The following OSBPL3 variants were observed in gnomAD, a reference collection of about 807,000 sequenced individuals.
OSBPL3 encodes oxysterol-binding protein-related protein 3.
OSBPL3 carries 65 observed loss-of-function variants against 120.1 expected under a neutral mutation model. That is an observed-to-expected ratio of 0.54 (90% confidence interval 0.44 to 0.67). The LOEUF (loss-of-function observed/expected upper bound fraction) is 0.67. Ranked by LOEUF, OSBPL3 falls within the 30% of genes least tolerant of loss-of-function variation. OSBPL3 has a pLI of 0.00. For missense variants in OSBPL3, 1,004 were observed against 1,082.1 expected, an observed-to-expected ratio of 0.93 and a Z score of 1.01; for synonymous variants, 416 against 402.6, an observed-to-expected ratio of 1.03 and a Z score of -0.40.
chr7:24,855,169 T>C lies in OSBPL3; in HGVS notation c.1028-2535A>G, dbSNP rs1411147710. Among the ~76,000 whole-genome samples, 3 of 152,124 alleles carry C rather than the reference T, an allele frequency of 2.0e-5. No individual in the cohort carries two copies. The highest frequency in any genetic ancestry group is 4.2e-4 in the South Asian group (2 of 4,814). On this transcript the variant is annotated intron_variant, in intron 10 of 22. Coordinates refer to ENST00000313367, the MANE Select transcript of OSBPL3 (RefSeq NM_015550.4). The surrounding 1 kb of genome is among the most constrained non-coding windows in gnomAD (Gnocchi z 4.3). Reference sequence around the variant, plus strand: ...GGACTGCATCCTATGTCCTATTAGATAGGCACTATGCCCCTCCCCTGCCTG... The same window carrying C: ...GGACTGCATCCTATGTCCTATTAGACAGGCACTATGCCCCTCCCCTGCCTG...
chr7:24,922,693 G>A lies in OSBPL3; in HGVS notation c.-149-30072C>T, dbSNP rs564104823. 1.3e-5 allele frequency among the ~76,000 whole-genome samples: 2 copies of A among 152,040 alleles called. No homozygotes were observed. The highest frequency in any genetic ancestry group is 1.3e-4 in the Admixed American group (2 of 15,254). On this transcript the variant is annotated intron_variant, in intron 1 of 22. Coordinates refer to ENST00000313367, the MANE Select transcript of OSBPL3 (RefSeq NM_015550.4). The surrounding 1 kb of genome is among the most constrained non-coding windows in gnomAD (Gnocchi z 4.3). ...TGGTCCTCAGTCTGACCTCATTCTA[G>A]CCTGACCACCTGCTTCACAGCCTTG...
In OSBPL3 at chr7:24,899,907, G is replaced by A. The variant is rs1446222966; in HGVS notation, c.-149-7286C>T. On this transcript the variant is annotated intron_variant, in intron 1 of 22. Coordinates refer to ENST00000313367, the MANE Select transcript of OSBPL3 (RefSeq NM_015550.4). The surrounding 1 kb of genome is among the most constrained non-coding windows in gnomAD (Gnocchi z 4.0). The stretch of plus-strand genomic sequence containing the variant: ...CTGATAATCTGCATGTTTAACACAT[G>A]CCCTGGGTGATTTTTGCTTAAAGTT... Among the ~76,000 whole-genome samples the A allele has an allele frequency of 1.3e-5, 2 of 152,200 alleles. No individual in the cohort carries two copies. The highest frequency in any genetic ancestry group is 2.4e-5 in the African/African-American group (1 of 41,454).
At chr7:24,960,316 T>C (rs971555012) in intron 1 of OSBPL3, among the ~76,000 whole-genome samples, 10 of 152,126 alleles carry the variant, frequency 6.6e-5, no homozygotes, top group Admixed American at 6.5e-4. Context: ...GCTAGTGTGG[T>C]ATATAAATGA....
At position 24,936,983 on chromosome 7, in the gene OSBPL3, T is replaced by A. The variant is rs896470038; in HGVS notation, c.-150+42903A>T. 2.2e-4 allele frequency among the ~76,000 whole-genome samples: 34 copies of A among 152,164 alleles called. No individual in the cohort carries two copies. The highest frequency in any genetic ancestry group is 4.9e-4 in the Non-Finnish European group (33 of 68,034). On this transcript the variant is annotated intron_variant, in intron 1 of 22. Transcript: ENST00000313367. This position sits in a 1 kb window ranked among gnomAD's most constrained non-coding sequence, Gnocchi z 4.2. ...GTCATAGAAAAGGATACTGTATTAG[T>A]CCATTCTTGTGCTGCTAATAAAGAC...
intron 1 of OSBPL3, among the ~76,000 whole-genome samples, chr7:24,975,286 T>C (rs1411027207): frequency 6.6e-6 from 1 of 152,224 alleles, no homozygotes; most frequent in Admixed American, 6.5e-5. Context: ...GGTCCAAAGA[T>C]GAGAGCAACC....
At chr7:24,980,192 C>T (rs1049018595), upstream of OSBPL3, 1 of 339,296 alleles carries the variant, frequency 2.9e-6, no homozygotes, top group Non-Finnish European at 4.2e-6. Context: ...GCGCGCCGCC[C>T]GGCGATTAGC....
chr7:24,897,102 A>AAGGC (rs202118110), intron 1 of OSBPL3, among the ~76,000 whole-genome samples: 35 of 151,680 alleles, frequency 2.3e-4, no homozygotes, highest in Admixed American at 1.1e-3. Flanking sequence ...GGGAGGAAGG[A>AAGGC]AGGCAGGCAG....
rs2128138151 is a variant in OSBPL3 at position 24,819,525 on chromosome 7, A to G, written c.1948+650T>C. 6.6e-6 allele frequency among the ~76,000 whole-genome samples: 1 copy of G among 152,286 alleles called. No individual in the cohort carries two copies. Among genetic ancestry groups the G allele is most frequent in the South Asian group, 2.1e-4 (1 of 4,820 alleles). On this transcript the variant is annotated intron_variant, in intron 17 of 22. Transcript: ENST00000313367. This position sits in a 1 kb window ranked among gnomAD's most constrained non-coding sequence, Gnocchi z 4.1. The stretch of plus-strand genomic sequence containing the variant: ...ACAGTATACTGTTTCGTACTTTTAA[A>G]GTTTAATAGACTGCGTGTGTGTGTG...
intron 1 of OSBPL3, among the ~76,000 whole-genome samples, chr7:24,956,627 T>C (rs1311978698): frequency 1.3e-5 from 2 of 152,236 alleles, no homozygotes; most frequent in Non-Finnish European, 2.9e-5. Context: ...GTTAGTCTCA[T>C]TGTTAGACCT....
At chr7:24,909,783 CTTTTTTTTTTTTTTTTTTTTT>C (rs10591188) in intron 1 of OSBPL3, among the ~76,000 whole-genome samples, 1 of 77,294 alleles carries the variant, frequency 1.3e-5, no homozygotes, top group African/African-American at 5.4e-5. Flanking sequence ...TTTTTTCTTT[CTTTTTTTTTTTTTTTTTTTTT>C]TTTTGGAGAC....
chr7:24,830,814 T>A lies in OSBPL3; in HGVS notation c.1838A>T (p.Tyr613Phe), dbSNP rs756830962. The A allele has an allele frequency of 6.2e-7, 1 of 1,614,020 alleles. No homozygotes were observed. The highest frequency in any genetic ancestry group is 8.5e-7 in the Non-Finnish European group (1 of 1,180,012). ...GCCCTTGTCCTCCCGAATACATTCA[T>A]ATGTTTCTCCAAGAACCGGATTAAA... is the stretch of plus-strand genomic sequence containing the variant. ...KPFNPVLGET[Y>F]ECIREDKGFQ... Residue 613 changes from tyrosine to phenylalanine, a missense_variant, in exon 16 of 23, where the codon TAT becomes TTT. By Grantham distance (22) the Tyr-to-Phe change is conservative. Around this residue, in one of 4 missense-constraint regions of OSBPL3, gnomAD observed 473 missense variants for 568.0 expected, o/e 0.83. Coordinates refer to ENST00000313367, the MANE Select transcript of OSBPL3 (RefSeq NM_015550.4). The surrounding 1 kb of genome is among the most constrained non-coding windows in gnomAD (Gnocchi z 4.4).
rs1383251361 is a variant in OSBPL3 at position 24,879,509 on chromosome 7, T to C, written c.97-7440A>G. ...TCAGGCCCCAGAATGTTTCAAGTCT[T>C]ACTACTTGGTTAGCCACAGACCAAA... On this transcript the variant is annotated intron_variant, in intron 2 of 22. Transcript: ENST00000313367. The surrounding 1 kb of genome is among the most constrained non-coding windows in gnomAD (Gnocchi z 5.6). Among the ~76,000 whole-genome samples, 2 of 152,192 alleles carry C rather than the reference T, an allele frequency of 1.3e-5. No individual in the cohort carries two copies. The highest frequency in any genetic ancestry group is 1.9e-4 in the East Asian group (1 of 5,192).
intron 1 of OSBPL3, among the ~76,000 whole-genome samples, chr7:24,951,749 T>C (rs1814471324): frequency 1.3e-5 from 2 of 152,206 alleles, no homozygotes; most frequent in African/African-American, 4.8e-5. Context: ...AAACCTGTAT[T>C]AATGATCCTC....
intron 1 of OSBPL3, among the ~76,000 whole-genome samples, chr7:24,920,574 T>C (rs2128447439): frequency 6.6e-6 from 1 of 152,326 alleles, no homozygotes; most frequent in African/African-American, 2.4e-5. Flanking sequence ...ACTCTGAATA[T>C]ACTAAAAAAT....
chr7:24,846,670 G>A (rs1463680171), intron 12 of OSBPL3, among the ~76,000 whole-genome samples: 3 of 152,120 alleles, frequency 2.0e-5, no homozygotes, highest in Non-Finnish European at 4.4e-5. Flanking sequence ...AGGAGAACTT[G>A]GTAGGCTGTG....
intron 5 of OSBPL3, among the ~76,000 whole-genome samples, chr7:24,868,200 T>C (rs1801601668): frequency 6.6e-6 from 1 of 151,598 alleles, no homozygotes; most frequent in Non-Finnish European, 1.5e-5. Context: ...GCCTGTAGTC[T>C]CAGCTACTTA....
intron 20 of OSBPL3, among the ~76,000 whole-genome samples, chr7:24,807,440 C>T (rs1228530587): frequency 1.3e-5 from 2 of 152,028 alleles, no homozygotes; most frequent in African/African-American, 4.8e-5. Flanking sequence ...TTGCAGTGAG[C>T]CAAGATCACG....
Position 24,871,818 on chromosome 7 carries a change from A to C in OSBPL3, c.214-23T>G, listed in dbSNP as rs2128284896. 6.3e-7 allele frequency: 1 copy of C among 1,585,364 alleles called. No homozygotes were observed. The highest frequency in any genetic ancestry group is 2.2e-5 in the East Asian group (1 of 44,740). On this transcript the variant is annotated intron_variant, in intron 3 of 22. Transcript: ENST00000313367. The surrounding 1 kb of genome is among the most constrained non-coding windows in gnomAD (Gnocchi z 4.8). ...TCTCTGTGGGGAAGAAAGTATTATT[A>C]ATTAAGGCATTCAATTTAGGTGCCC...
intron 13 of OSBPL3, among the ~76,000 whole-genome samples, chr7:24,841,603 G>A (rs1202145891): frequency 6.9e-6 from 1 of 145,326 alleles, no homozygotes; most frequent in African/African-American, 2.6e-5. Flanking sequence ...GCTGAAGTAC[G>A]AGAATTGCTT....
Sources: allele counts gnomAD v4.1 joint callset (sites outside exome capture counted in the v4.1 genomes callset), GRCh38; gene constraint gnomAD v4.1.1; regional missense constraint gnomAD v4.1.1; non-coding constraint Gnocchi (gnomAD v3.1); transcripts MANE v1.5; gene names NCBI Gene and HGNC (gene_info 2026-07-23, HGNC 2026-07-21).